MEGF9: variants seen among roughly 807,000 people sequenced by gnomAD.
The protein encoded by MEGF9 is multiple EGF like domains 9.
A neutral mutation model predicts 46.8 loss-of-function variants in MEGF9; 6 were observed. The observed-to-expected ratio is 0.13, with a 90% CI of 0.07 to 0.25. The LOEUF (loss-of-function observed/expected upper bound fraction) is 0.25. Among genes scored for constraint, MEGF9 ranks in the 10% least tolerant of loss-of-function variants. MEGF9 has a pLI of 1.00. For missense variants in MEGF9, 683 were observed against 792.4 expected, an observed-to-expected ratio of 0.86 and a Z score of 1.66; for synonymous variants, 302 against 330.7, an observed-to-expected ratio of 0.91 and a Z score of 0.94.
At chr9:120,683,876 AGGAGTGAG>A (rs892011743) in intron 1 of MEGF9, among the ~76,000 whole-genome samples, 3 of 152,132 alleles carry the variant, frequency 2.0e-5, no homozygotes, top group Non-Finnish European at 4.4e-5. Context: ...CATGGACAAC[AGGAGTGAG>A]ACCCTGCTTC....
rs558187072 is a variant in MEGF9, at chr9:120,710,301, G to A, written c.601+3457C>T. Among the ~76,000 whole-genome samples the A allele has an allele frequency of 4.6e-5, 7 of 151,658 alleles. No individual in the cohort carries two copies. In the South Asian group the frequency reaches 1.5e-3, roughly 32 times the overall value. On this transcript the variant is annotated intron_variant, in intron 1 of 5. Coordinates refer to ENST00000373930, the MANE Select transcript of MEGF9 (RefSeq NM_001080497.3). The stretch of plus-strand genomic sequence containing the variant: ...AAATTAGCTGGGCATGGTGGCACAT[G>A]CCTGTAATCCCAGCTACTTGGAAGA...
chr9:120,700,642 G>A (rs2416796), intron 1 of MEGF9, among the ~76,000 whole-genome samples: 152,290 of 152,294 alleles, frequency 1, 76,143 homozygotes, highest in Non-Finnish European at 1. Context: ...TTCCCCCCCC[G>A]TTATTTCCAA....
intron 1 of MEGF9, among the ~76,000 whole-genome samples, chr9:120,668,931 G>C (rs2043737027): frequency 6.6e-6 from 1 of 152,160 alleles, no homozygotes; most frequent in African/African-American, 2.4e-5. Flanking sequence ...CAATCAGACA[G>C]ACCCAGAACA....
At chr9:120,651,746 C>T (rs140541452) in intron 2 of MEGF9, among the ~76,000 whole-genome samples, 2,384 of 151,176 alleles carry the variant, frequency 0.016, 61 homozygotes, top group African/African-American at 0.055. Flanking sequence ...TCCGCCTCCC[C>T]GGTTCAAGCG....
chr9:120,610,462 T>C (rs969338226), intron 4 of MEGF9, among the ~76,000 whole-genome samples: 1 of 152,190 alleles, frequency 6.6e-6, no homozygotes, highest in Non-Finnish European at 1.5e-5. Context: ...TTTCTGCCAT[T>C]CTTAAGTAGT....
At chr9:120,694,439 A>G (rs1364227952) in intron 1 of MEGF9, among the ~76,000 whole-genome samples, 1 of 152,278 alleles carries the variant, frequency 6.6e-6, no homozygotes, top group Non-Finnish European at 1.5e-5. Flanking sequence ...TCAATATGCA[A>G]TAAAAAGTAC....
chr9:120,609,520 G>A (rs1350755003), intron 4 of MEGF9, among the ~76,000 whole-genome samples: 3 of 151,840 alleles, frequency 2.0e-5, no homozygotes, highest in Admixed American at 6.6e-5. Context: ...TGTCTTTATC[G>A]CCAATGTTTA....
At chr9:120,664,962 C>A (rs2043718570) in intron 1 of MEGF9, among the ~76,000 whole-genome samples, 1 of 152,144 alleles carries the variant, frequency 6.6e-6, no homozygotes, top group Non-Finnish European at 1.5e-5. Flanking sequence ...GTGTAATGAT[C>A]AGATTAAATA....
intron 1 of MEGF9, among the ~76,000 whole-genome samples, chr9:120,676,918 G>A (rs544332032): frequency 1.5e-4 from 23 of 152,264 alleles, no homozygotes; most frequent in African/African-American, 5.1e-4. Context: ...GAGAAGCTAA[G>A]TGCTTGCCCA....
intron 2 of MEGF9, among the ~76,000 whole-genome samples, chr9:120,633,056 T>C (rs567599149): frequency 1.4e-4 from 21 of 152,330 alleles, no homozygotes; most frequent in African/African-American, 5.1e-4. Context: ...GTTTTCTTTT[T>C]TGTGTTGTGT....
chr9:120,609,461 G>C (rs1422476938), intron 4 of MEGF9, among the ~76,000 whole-genome samples: 1 of 152,102 alleles, frequency 6.6e-6, no homozygotes, highest in African/African-American at 2.4e-5. Context: ...TAATTACCTA[G>C]TTACTTGTGT....
At chr9:120,697,863 T>C (rs747415933) in intron 1 of MEGF9, among the ~76,000 whole-genome samples, 37 of 151,824 alleles carry the variant, frequency 2.4e-4, no homozygotes, top group Non-Finnish European at 4.6e-4. Flanking sequence ...TGGGGGAGGA[T>C]AGGGGAGGTG....
chr9:120,675,866 C>T lies in MEGF9; in HGVS notation c.602-16291G>A, dbSNP rs573413786. On this transcript the variant is annotated intron_variant, in intron 1 of 5. Coordinates refer to ENST00000373930, the MANE Select transcript of MEGF9 (RefSeq NM_001080497.3). ...TCACGCCATTGCACTCCAGCCTGGC[C>T]GACAGAGCGAGACTCCATCTCAAAA... 1.5e-4 allele frequency among the ~76,000 whole-genome samples: 18 copies of T among 119,388 alleles called. No homozygotes were observed. The East Asian group carries it at 4.2e-3, about 28-fold the overall frequency. The allele number at this position is 119,388 out of a possible 152,430, so 78.3% of individuals were successfully genotyped here.
chr9:120,650,666 T>C (rs146062740), intron 2 of MEGF9, among the ~76,000 whole-genome samples: 1 of 152,354 alleles, frequency 6.6e-6, no homozygotes, highest in African/African-American at 2.4e-5. Context: ...CCATAGACTT[T>C]CAATATATGA....
At chr9:120,634,874 T>A (rs1258992433) in intron 2 of MEGF9, among the ~76,000 whole-genome samples, 1 of 152,216 alleles carries the variant, frequency 6.6e-6, no homozygotes, top group Admixed American at 6.5e-5. Flanking sequence ...TTTGATTCTC[T>A]TCTCTTTCTC....
intron 2 of MEGF9, among the ~76,000 whole-genome samples, chr9:120,649,794 T>C (rs1028577971): frequency 6.6e-6 from 1 of 152,200 alleles, no homozygotes; most frequent in Non-Finnish European, 1.5e-5. Flanking sequence ...TTGGTTTTGT[T>C]GTACCTTGTT....
intron 3 of MEGF9, 141 bp from the exon 4 acceptor site, chr9:120,612,680 T>C (rs2043454205): frequency 2.9e-6 from 2 of 687,842 alleles, no homozygotes; most frequent in Non-Finnish European, 4.7e-6. Context: ...CTACCCCACC[T>C]GATTTCTATA....
At chr9:120,685,122 C>G (rs527269181) in intron 1 of MEGF9, among the ~76,000 whole-genome samples, 1 of 152,200 alleles carries the variant, frequency 6.6e-6, no homozygotes, top group African/African-American at 2.4e-5. Context: ...GCGTAAGCCA[C>G]CACACCCGGC....
chr9:120,674,674 C>T (rs1421240751), intron 1 of MEGF9, among the ~76,000 whole-genome samples: 8 of 150,974 alleles, frequency 5.3e-5, no homozygotes, highest in Non-Finnish European at 1.2e-4. Flanking sequence ...GTTCAAGGGA[C>T]TCTCCTGCCT....
Sources: gnomAD v4.1 joint callset for allele counts (sites outside exome capture counted in the v4.1 genomes callset) on GRCh38, gnomAD v4.1.1 for gene constraint, MANE v1.5 for transcripts, NCBI Gene and HGNC (gene_info 2026-07-23, HGNC 2026-07-21) for gene names.